WRN: variants seen among roughly 807,000 people sequenced by gnomAD.
The protein encoded by WRN is WRN RecQ like helicase.
Under a neutral mutation model 180.7 loss-of-function variants are expected in WRN, and 149 were observed. The ratio of observed to expected loss-of-function variants is 0.82; its 90% CI spans 0.72 to 0.94. The LOEUF is 0.94. Ranked by LOEUF, WRN falls within the 40% of genes least tolerant of loss-of-function variation. The pLI, the probability that WRN is intolerant of heterozygous loss-of-function variation, is 0.00. For synonymous variants in WRN, 548 were observed against 568.9 expected (o/e 0.96, Z 0.52); for missense variants, 1,661 against 1,700.1 (o/e 0.98, Z 0.40).
At chr8:31,101,689 A>G (rs2130234143) in intron 18 of WRN, among the ~76,000 whole-genome samples, 1 of 145,472 alleles carries the variant, frequency 6.9e-6, no homozygotes, top group East Asian at 2.2e-4. Flanking sequence ...TGGGAGGCTG[A>G]GGCAGGGGAA....
At chr8:31,147,189 T>G (rs1269780183) in intron 29 of WRN, 61 bp downstream of exon 29, 2 of 1,558,452 alleles carry the variant, frequency 1.3e-6, no homozygotes, top group Admixed American at 1.7e-5. Context: ...CTATGTATGC[T>G]TAAAATTCTG....
intron 1 of WRN, among the ~76,000 whole-genome samples, chr8:31,052,523 G>T (rs910312621): frequency 1.3e-5 from 2 of 152,052 alleles, no homozygotes; most frequent in East Asian, 3.9e-4. Context: ...GAGTAACTGG[G>T]ATTACAGGCG....
chr8:31,078,075 T>G (rs754505771), intron 8 of WRN, among the ~76,000 whole-genome samples: 1 of 152,238 alleles, frequency 6.6e-6, no homozygotes, highest in Non-Finnish European at 1.5e-5. Flanking sequence ...TGCAGAAAAT[T>G]ACATTCTTAG....
At chr8:31,043,763 G>A (rs1811743524) in intron 1 of WRN, among the ~76,000 whole-genome samples, 1 of 152,042 alleles carries the variant, frequency 6.6e-6, no homozygotes. Context: ...ACAAACTATC[G>A]AGTATTGAAA....
chr8:31,116,987 A>T (rs1416546053), intron 20 of WRN, among the ~76,000 whole-genome samples: 1 of 152,178 alleles, frequency 6.6e-6, no homozygotes, highest in Non-Finnish European at 1.5e-5. Flanking sequence ...GGAATGGCAC[A>T]AAGTATGGAC....
intron 1 of WRN, among the ~76,000 whole-genome samples, chr8:31,057,636 T>C (rs1803906661): frequency 6.6e-6 from 1 of 152,022 alleles, no homozygotes; most frequent in Admixed American, 6.5e-5. Flanking sequence ...AAAGTTGAAG[T>C]TTGAGGAATT....
chr8:31,134,188 G>T lies in WRN; in HGVS notation c.2967+1682G>T, dbSNP rs377245708. 7.9e-5 allele frequency among the ~76,000 whole-genome samples: 12 copies of T among 152,002 alleles called. No homozygotes were observed. The East Asian group carries it at 2.3e-3, about 29-fold the overall frequency. ...AGTGATCTTGGTATCCTGGGATATT[G>T]TTTTTAAAATTATCGTTATAATTCC... On this transcript the variant is annotated intron_variant, in intron 24 of 34. Coordinates refer to ENST00000298139, the MANE Select transcript of WRN (RefSeq NM_000553.6).
At chr8:31,122,472 G>A (rs1242967333) in intron 21 of WRN, among the ~76,000 whole-genome samples, 2 of 151,906 alleles carry the variant, frequency 1.3e-5, no homozygotes, top group African/African-American at 4.8e-5. Context: ...GTTTTTAATT[G>A]CAGAATTCAT....
intron 24 of WRN, among the ~76,000 whole-genome samples, chr8:31,134,142 G>GT (rs199806854): frequency 2.6e-5 from 4 of 151,074 alleles, no homozygotes; most frequent in Admixed American, 6.6e-5. Flanking sequence ...ATAAGGCATT[G>GT]TTTTTTTTTC....
rs11574384 is a variant in WRN, at chr8:31,157,319, G to A, written c.3820-49G>A. ...TTTGGACATTTTATTTCCATGACTG[G>A]AGTGGACACTTTTACAACTCACTGG... On this transcript the variant is annotated intron_variant, in intron 32 of 34. Transcript: ENST00000298139. The A allele has an allele frequency of 0.017, 27,293 of 1,609,612 alleles. 281 individuals are homozygous for A. Among genetic ancestry groups the A allele is most frequent in the Non-Finnish European group, 0.02 (23,279 of 1,179,116 alleles).
Position 31,124,456 on chromosome 8 carries a change from TA to T in WRN, c.2631-56del, listed in dbSNP as rs3087416. 7.9e-3 allele frequency: 8,782 copies of T among 1,114,660 alleles called. 239 individuals carry two copies. In the African/African-American group the frequency reaches 0.092, roughly 12 times the overall value. The allele number at this position is 1,114,660 out of a possible 1,614,324, so 69.0% of individuals were successfully genotyped here. The stretch of plus-strand genomic sequence containing the variant: ...TGAAAAATAAACAGTAAAAAATAAG[TA>T]AAAAAAAAAGTAAGAAAGTTGCCAA... On this transcript the variant is annotated intron_variant, in intron 21 of 34. Coordinates refer to ENST00000298139, the MANE Select transcript of WRN (RefSeq NM_000553.6).
chr8:31,164,839 G>A (rs1173304227), intron 33 of WRN, among the ~76,000 whole-genome samples: 1 of 152,138 alleles, frequency 6.6e-6, no homozygotes, highest in Non-Finnish European at 1.5e-5. Context: ...TAATTCTGCA[G>A]TAGATATTTT....
chr8:31,087,739 A>G, intron 11 of WRN, 37 bp from the exon 12 acceptor site: 1 of 1,593,544 alleles, frequency 6.3e-7, no homozygotes, highest in Non-Finnish European at 8.6e-7. Flanking sequence ...CGACACTGTC[A>G]GTGGTTTTGC....
chr8:31,099,489 C>G (rs1814127764), intron 17 of WRN, among the ~76,000 whole-genome samples: 4 of 151,436 alleles, frequency 2.6e-5, no homozygotes, highest in African/African-American at 9.7e-5. Flanking sequence ...TCCAGCCACT[C>G]AGTAGTACCC....
chr8:31,079,405 G>A (rs778338272), intron 8 of WRN, among the ~76,000 whole-genome samples: 3 of 152,038 alleles, frequency 2.0e-5, no homozygotes, highest in African/African-American at 4.8e-5. Context: ...AAACAAAATC[G>A]CTAATGAAAG....
chr8:31,111,777 C>A lies in WRN; in HGVS notation c.2251C>A (p.Gln751Lys). 1 of 1,613,516 alleles carries A rather than the reference C, an allele frequency of 6.2e-7. No homozygotes were observed. ...RKTGNILQDL[Q>K]PFLVKTSSHW... Reference sequence around the variant, plus strand: ...AACAGGGAATATCCTTCAGGATCTGCAGCCATTTCTTGTCAAAACAAGGTA... The same window carrying A: ...AACAGGGAATATCCTTCAGGATCTGAAGCCATTTCTTGTCAAAACAAGGTA... Residue 751 changes from glutamine (Q) to lysine (K), a missense_variant, in exon 19 of 35, where the codon CAG (glutamine) becomes AAG (lysine). By Grantham distance (53) the Gln-to-Lys change is moderately conservative. Around this residue, in one of 3 missense-constraint regions of WRN, gnomAD observed 1,141 missense variants for 1,149.4 expected, o/e 0.99. Coordinates refer to ENST00000298139, the MANE Select transcript of WRN (RefSeq NM_000553.6).
chr8:31,172,905 G>A (rs1396678884), intron 34 of WRN, 90 bp from the exon 35 acceptor site: 5 of 1,075,368 alleles, frequency 4.6e-6, no homozygotes, highest in African/African-American at 1.6e-5. Context: ...GGATGGGTGT[G>A]TATTCAGGAA....
At position 31,157,438 on chromosome 8, in the gene WRN, C is replaced by T. The variant is rs1434549591; in HGVS notation, c.3890C>T (p.Ala1297Val). ...IGMHLSQAVK[A>V]GCPLDLERAG... ...ATGCACTTATCCCAAGCGGTGAAAG[C>T]TGGCTGCCCCCTTGATTTGGAGCGA... is the stretch of plus-strand genomic sequence containing the variant. Residue 1297 changes from alanine (A) to valine (V), a missense_variant, in exon 33 of 35, where the codon GCT becomes GTT. Physicochemically the swap from Ala to Val is moderately conservative, Grantham distance 64. This residue lies in a region of WRN where 1,141 missense variants were observed against 1,149.4 expected (regional missense o/e 0.99). Coordinates refer to ENST00000298139, the MANE Select transcript of WRN (RefSeq NM_000553.6). The T allele has an allele frequency of 6.2e-7, 1 of 1,614,136 alleles. No homozygotes were observed.
chr8:31,088,007 G>A lies in WRN; in HGVS notation c.1576+87G>A, dbSNP rs1585437183. 6 of 1,553,850 alleles carry A rather than the reference G, an allele frequency of 3.9e-6. No homozygotes were observed. In the Admixed American group the frequency reaches 5.8e-5, roughly 15 times the overall value. On this transcript the variant is annotated intron_variant, in intron 12 of 34. Transcript: ENST00000298139. ...GGATCCAGTTTTGGATGGTTTGGAG[G>A]TCAGGGACTTTGTGGCATATAGTTA...
Sources: gnomAD v4.1 joint callset for allele counts (sites outside exome capture counted in the v4.1 genomes callset) on GRCh38, gnomAD v4.1.1 for gene constraint, gnomAD v4.1.1 regional missense constraint, MANE v1.5 for transcripts, NCBI Gene and HGNC (gene_info 2026-07-23, HGNC 2026-07-21) for gene names.